Variants in SCAMP1 observed in about 807,000 individuals in gnomAD.
The protein encoded by SCAMP1 is secretory carrier-associated membrane protein 1.
A neutral mutation model predicts 41.8 loss-of-function variants in SCAMP1; 15 were observed. The observed-to-expected ratio is 0.36, with a 90% CI of 0.24 to 0.55. The LOEUF is 0.55. Ranked by LOEUF, SCAMP1 falls within the 20% of genes least tolerant of loss-of-function variation. The pLI is 0.86. For synonymous variants in SCAMP1, 135 were observed against 136.8 expected (o/e 0.99, Z 0.09); for missense variants, 341 against 412.6 (o/e 0.83, Z 1.50).
In SCAMP1 at chr5:78,477,663, A is replaced by G. The variant is rs1234523632; in HGVS notation, c.*1995A>G. The stretch of plus-strand genomic sequence containing the variant: ...ATATTATGTAGAAATCTTCAAAGGT[A>G]GCATTATTAAATAGCAAAGAATAAT... On this transcript the variant is annotated 3_prime_UTR_variant, in exon 9 of 9. Transcript: ENST00000621999. 1 of 152,204 alleles carries G rather than the reference A, an allele frequency of 6.6e-6. No individual in the cohort carries two copies. The highest frequency in any genetic ancestry group is 1.5e-5 in the Non-Finnish European group (1 of 67,996). The allele number at this position is 152,204 out of a possible 1,614,324, so 9.4% of individuals were successfully genotyped here. A position where few individuals can be genotyped will look rare whatever the true frequency, so the allele number is the denominator to read the frequency against.
rs939635865 is a variant in SCAMP1, at chr5:78,360,621, C to G, written c.-51C>G. 5.1e-6 allele frequency: 8 copies of G among 1,556,954 alleles called. No homozygotes were observed. The highest frequency in any genetic ancestry group is 2.8e-5 in the African/African-American group (2 of 72,608). ...GCGCAGGGGGGCGGCGGCCTCGCCTCGTCTCTCTCTCTGCGCCTGGGTCGG... is the reference window on the plus strand; with the variant it reads ...GCGCAGGGGGGCGGCGGCCTCGCCTGGTCTCTCTCTCTGCGCCTGGGTCGG... On this transcript the variant is annotated 5_prime_UTR_variant, in exon 1 of 9. Transcript: ENST00000621999.
intron 7 of SCAMP1, chr5:78,457,786 C>G (rs185540954): frequency 3.7e-5 from 6 of 161,244 alleles, no homozygotes; most frequent in Admixed American, 2.6e-4. Flanking sequence ...CCCCCAGCCT[C>G]GCTGCCGCCT....
rs988143057 is a variant in SCAMP1 at position 78,476,167 on chromosome 5, A to G, written c.*499A>G. 2 of 152,584 alleles carry G rather than the reference A, an allele frequency of 1.3e-5. No individual in the cohort carries two copies. The highest frequency in any genetic ancestry group is 2.9e-5 in the Non-Finnish European group (2 of 68,020). 9.5% of individuals were successfully genotyped at this position (152,584 alleles called of 1,614,324 possible). A position where few individuals can be genotyped will look rare whatever the true frequency, so the allele number is the denominator to read the frequency against. ...TGTTTCAGTCACCAGTGAAGAGCCTATGTGCATTTTGTAGTAGATAATGTA... is the reference window on the plus strand; with the variant it reads ...TGTTTCAGTCACCAGTGAAGAGCCTGTGTGCATTTTGTAGTAGATAATGTA... On this transcript the variant is annotated 3_prime_UTR_variant, in exon 9 of 9. Coordinates refer to ENST00000621999, the MANE Select transcript of SCAMP1 (RefSeq NM_004866.6).
chr5:78,432,716 G>T (rs749493286), intron 6 of SCAMP1, among the ~76,000 whole-genome samples: 3 of 152,004 alleles, frequency 2.0e-5, no homozygotes, highest in Non-Finnish European at 4.4e-5. Flanking sequence ...GTATATGTGT[G>T]TGTTTCTGTT....
intron 1 of SCAMP1, among the ~76,000 whole-genome samples, chr5:78,381,173 C>T (rs535355649): frequency 6.6e-6 from 1 of 152,298 alleles, no homozygotes; most frequent in South Asian, 2.1e-4. Context: ...GTTGATGGAG[C>T]TCTCATAAGT....
At chr5:78,369,052 C>A (rs1033372996) in intron 1 of SCAMP1, among the ~76,000 whole-genome samples, 1 of 151,378 alleles carries the variant, frequency 6.6e-6, no homozygotes, top group Non-Finnish European at 1.5e-5. Context: ...TAGGGAGACC[C>A]AAGGAGAGGG....
At chr5:78,437,938 C>T (rs1034138507) in intron 6 of SCAMP1, among the ~76,000 whole-genome samples, 14 of 152,126 alleles carry the variant, frequency 9.2e-5, no homozygotes, top group African/African-American at 2.4e-4. Flanking sequence ...CTGGTTTAGT[C>T]TTGGGAGGGT....
intron 6 of SCAMP1, among the ~76,000 whole-genome samples, chr5:78,443,653 CTTTT>C (rs71613955): frequency 6.9e-5 from 5 of 71,960 alleles, no homozygotes; most frequent in East Asian, 5.0e-4. Flanking sequence ...AGTGGTTTTG[CTTTT>C]TTTTTTTTTT....
At chr5:78,465,472 G>A (rs1753723127) in intron 8 of SCAMP1, among the ~76,000 whole-genome samples, 1 of 152,212 alleles carries the variant, frequency 6.6e-6, no homozygotes, top group South Asian at 2.1e-4. Context: ...ATCTGGAACA[G>A]TGACATGCAG....
chr5:78,371,674 G>A (rs960749719), intron 1 of SCAMP1, among the ~76,000 whole-genome samples: 3 of 152,120 alleles, frequency 2.0e-5, no homozygotes, highest in South Asian at 4.2e-4. Context: ...TTTAATAGCA[G>A]GTTTTACACT....
At chr5:78,437,153 A>G (rs1311019330) in intron 6 of SCAMP1, among the ~76,000 whole-genome samples, 1 of 152,152 alleles carries the variant, frequency 6.6e-6, no homozygotes, top group Non-Finnish European at 1.5e-5. Context: ...ATATACAATC[A>G]TGTCATCTGC....
At chr5:78,420,922 AT>A (rs1752325098) in intron 5 of SCAMP1, among the ~76,000 whole-genome samples, 2 of 152,198 alleles carry the variant, frequency 1.3e-5, no homozygotes, top group Admixed American at 6.5e-5. Flanking sequence ...TTGTTGGCAT[AT>A]TTTTATTGAT....
chr5:78,447,532 A>G (rs62364294), intron 6 of SCAMP1, among the ~76,000 whole-genome samples: 42,851 of 152,014 alleles, frequency 0.28, 6,343 homozygotes, highest in East Asian at 0.54. Flanking sequence ...AAATGCTGCT[A>G]GAACAATTGG....
chr5:78,462,061 G>C (rs1351554655), intron 8 of SCAMP1, among the ~76,000 whole-genome samples: 1 of 152,132 alleles, frequency 6.6e-6, no homozygotes, highest in African/African-American at 2.4e-5. Flanking sequence ...TAACAATATT[G>C]ATTCTTCTAA....
At position 78,480,048 on chromosome 5, in the gene SCAMP1, GAAAA is replaced by G. The variant is rs11453663; in HGVS notation, c.*4389_*4392del. ...GCGACAGAGCGAGACTCCATCTCAA[GAAAA>G]AAAAAAAAGAATTTTCATTAGTGCT... On this transcript the variant is annotated 3_prime_UTR_variant, in exon 9 of 9. Coordinates refer to ENST00000621999, the MANE Select transcript of SCAMP1 (RefSeq NM_004866.6). Among the ~76,000 whole-genome samples the G allele has an allele frequency of 1.4e-5, 2 of 145,456 alleles. No individual in the cohort carries two copies. The highest frequency in any genetic ancestry group is 4.3e-4 in the South Asian group (2 of 4,614).
At chr5:78,453,655 C>A (rs1470179545) in intron 7 of SCAMP1, among the ~76,000 whole-genome samples, 12 of 151,198 alleles carry the variant, frequency 7.9e-5, no homozygotes, top group East Asian at 5.8e-4. Flanking sequence ...CTTAGGATAG[C>A]CTTGGCGATG....
chr5:78,475,652 A>T lies in SCAMP1; in HGVS notation c.1001A>T (p.Lys334Met), dbSNP rs765895805. 1 of 1,561,580 alleles carries T rather than the reference A, an allele frequency of 6.4e-7. No homozygotes were observed. The highest frequency in any genetic ancestry group is 8.7e-7 in the Non-Finnish European group (1 of 1,155,888). ...AASSAAQNAF[K>M]GNQI The stretch of plus-strand genomic sequence containing the variant: ...TCTAGTGCAGCTCAGAATGCTTTCA[A>T]GGGTAACCAGATTTAAGAATCTTCA... The change falls in exon 9 of 9, where the codon AAG becomes ATG. Residue 334 changes from lysine (K) to methionine (M), a missense_variant. Lys to Met is a moderately conservative substitution (Grantham distance 95). Coordinates refer to ENST00000621999, the MANE Select transcript of SCAMP1 (RefSeq NM_004866.6).
In SCAMP1 at chr5:78,460,759, T is replaced by C. The variant is rs1031706011; in HGVS notation, c.852+1397T>C. On this transcript the variant is annotated intron_variant, in intron 8 of 8. Transcript: ENST00000621999. ...TTTCTTTTCTCCTTCCTTCCTTCCT[T>C]CCTTCCTTCCTTCCTTCCTTCCTTC... is the stretch of plus-strand genomic sequence containing the variant. Among the ~76,000 whole-genome samples the C allele has an allele frequency of 7.5e-4, 25 of 33,502 alleles. No individual in the cohort carries two copies. In the East Asian group the frequency reaches 0.011, roughly 15 times the overall value. 22.0% of individuals were successfully genotyped at this position (33,502 alleles called of 152,430 possible). A position where few individuals can be genotyped will look rare whatever the true frequency, so the allele number is the denominator to read the frequency against.
At chr5:78,441,187 C>T (rs1013430517) in intron 6 of SCAMP1, among the ~76,000 whole-genome samples, 1 of 152,208 alleles carries the variant, frequency 6.6e-6, no homozygotes, top group Non-Finnish European at 1.5e-5. Flanking sequence ...CCTGCTTCGG[C>T]TCACCCTCCG....
Sources: gnomAD v4.1 joint callset for allele counts (sites outside exome capture counted in the v4.1 genomes callset) on GRCh38, gnomAD v4.1.1 for gene constraint, MANE v1.5 for transcripts, NCBI Gene and HGNC (gene_info 2026-07-23, HGNC 2026-07-21) for gene names.